Variants in KCNT2 observed in about 807,000 individuals in gnomAD.
KCNT2 encodes the protein potassium sodium-activated channel subfamily T member 2.
In KCNT2, 67 loss-of-function variants were observed where a neutral mutation model predicts 153.8. The observed-to-expected ratio is 0.44, with a 90% CI of 0.36 to 0.53. The LOEUF (loss-of-function observed/expected upper bound fraction) is 0.53. KCNT2 is among the 20% of genes least tolerant of loss of function. The probability of loss-of-function intolerance (pLI) is 0.00; values close to 1 mark genes in which losing one functional copy is unlikely to be tolerated. For missense variants in KCNT2, 975 were observed against 1,354.8 expected (o/e 0.72, Z 4.40); for synonymous variants, 500 against 458.8 (o/e 1.09, Z -1.15).
intron 13 of KCNT2, among the ~76,000 whole-genome samples, chr1:196,381,521 T>A (rs963660479): frequency 4.6e-5 from 7 of 152,106 alleles, no homozygotes; most frequent in Admixed American, 2.0e-4. Context: ...TGTTAAGTAG[T>A]TTTCAGATAA....
chr1:196,379,934 T>C (rs1311092482), intron 13 of KCNT2, among the ~76,000 whole-genome samples: 1 of 152,226 alleles, frequency 6.6e-6, no homozygotes, highest in Non-Finnish European at 1.5e-5. Flanking sequence ...ACAAGTATTA[T>C]GGATCATCAC....
intron 27 of KCNT2, among the ~76,000 whole-genome samples, chr1:196,233,627 T>G (rs1001080286): frequency 2.0e-5 from 3 of 151,426 alleles, no homozygotes; most frequent in Non-Finnish European, 3.0e-5. Flanking sequence ...CATTTCCTCT[T>G]TATACTTTAA....
intron 1 of KCNT2, among the ~76,000 whole-genome samples, chr1:196,537,157 A>G (rs560824394): frequency 1.3e-5 from 2 of 152,296 alleles, no homozygotes; most frequent in East Asian, 1.9e-4. Flanking sequence ...TCTCAGCCTC[A>G]TCATCTTAAT....
At chr1:196,349,603 A>G (rs796466876) in intron 14 of KCNT2, among the ~76,000 whole-genome samples, 115 of 152,250 alleles carry the variant, frequency 7.6e-4, no homozygotes, top group African/African-American at 2.7e-3. Flanking sequence ...TACACCCTAT[A>G]GACTCTAGCT....
At chr1:196,596,154 T>C (rs1664063211) in intron 1 of KCNT2, among the ~76,000 whole-genome samples, 1 of 150,510 alleles carries the variant, frequency 6.6e-6, no homozygotes, top group South Asian at 2.1e-4. Flanking sequence ...CAGTTCCATA[T>C]ATTTGCAATT....
At chr1:196,573,250 G>T (rs1660979832) in intron 1 of KCNT2, among the ~76,000 whole-genome samples, 2 of 152,058 alleles carry the variant, frequency 1.3e-5, no homozygotes, top group African/African-American at 4.8e-5. Context: ...AATTGTGAGA[G>T]ACACGTTTAA....
rs181358209 is a variant in KCNT2, at chr1:196,225,839, A to C, written c.*2385T>G. ...AAAGCAGTTCAATGTAACTGGTAGC[A>C]AAATGGTACAGACAATAAACAGAAT... On this transcript the variant is annotated 3_prime_UTR_variant, in exon 28 of 28. Transcript: ENST00000294725. 6.6e-6 allele frequency: 1 copy of C among 152,184 alleles called. No homozygotes were observed. Among genetic ancestry groups the C allele is most frequent in the Non-Finnish European group, 1.5e-5 (1 of 68,002 alleles). 9.4% of individuals were successfully genotyped at this position (152,184 alleles called of 1,614,324 possible). A position where few individuals can be genotyped will look rare whatever the true frequency, so the allele number is the denominator to read the frequency against.
At chr1:196,366,461 T>G (rs1264363235) in intron 14 of KCNT2, among the ~76,000 whole-genome samples, 1 of 152,100 alleles carries the variant, frequency 6.6e-6, no homozygotes, top group East Asian at 1.9e-4. Context: ...ACCCGGCTTT[T>G]GCTTGTCTTC....
At chr1:196,356,969 AC>A (rs1667225827) in intron 14 of KCNT2, among the ~76,000 whole-genome samples, 1 of 151,920 alleles carries the variant, frequency 6.6e-6, no homozygotes, top group Non-Finnish European at 1.5e-5. Context: ...TTTACTAGGT[AC>A]TTTTTAACTT....
At chr1:196,264,294 A>G (rs958632336) in intron 25 of KCNT2, among the ~76,000 whole-genome samples, 3 of 152,128 alleles carry the variant, frequency 2.0e-5, no homozygotes, top group African/African-American at 7.2e-5. Flanking sequence ...GGACTTTTTC[A>G]TTGTTTTTAA....
At chr1:196,413,057 A>G (rs912475835) in intron 12 of KCNT2, among the ~76,000 whole-genome samples, 1 of 151,702 alleles carries the variant, frequency 6.6e-6, no homozygotes, top group Non-Finnish European at 1.5e-5. Flanking sequence ...TTAAGGGATA[A>G]ACTAGGATGG....
chr1:196,431,793 T>C (rs998544439), intron 8 of KCNT2, among the ~76,000 whole-genome samples: 1 of 151,974 alleles, frequency 6.6e-6, no homozygotes, highest in African/African-American at 2.4e-5. Flanking sequence ...ACCTAAAAAT[T>C]TGGAAAATAC....
intron 13 of KCNT2, among the ~76,000 whole-genome samples, chr1:196,395,086 T>A (rs1303860606): frequency 1.3e-5 from 2 of 151,350 alleles, no homozygotes; most frequent in African/African-American, 4.8e-5. Context: ...TCTTTTAACA[T>A]AATGATCTAT....
intron 1 of KCNT2, among the ~76,000 whole-genome samples, chr1:196,598,246 T>C (rs765109541): frequency 1.2e-3 from 181 of 152,298 alleles, no homozygotes; most frequent in Admixed American, 5.6e-3. Context: ...CTTTTTCATA[T>C]TATCCATTGT....
intron 1 of KCNT2, among the ~76,000 whole-genome samples, chr1:196,604,702 T>C (rs1265344626): frequency 3.3e-5 from 5 of 151,568 alleles, no homozygotes; most frequent in African/African-American, 1.2e-4. Flanking sequence ...ACATATCTAT[T>C]CATTACATAT....
intron 13 of KCNT2, among the ~76,000 whole-genome samples, chr1:196,380,208 G>A (rs558807766): frequency 2.0e-5 from 3 of 152,132 alleles, no homozygotes; most frequent in Non-Finnish European, 2.9e-5. Flanking sequence ...CTCAACAGGT[G>A]GGAAAGAGTT....
intron 1 of KCNT2, among the ~76,000 whole-genome samples, chr1:196,518,289 A>C (rs1652873867): frequency 6.6e-6 from 1 of 152,156 alleles, no homozygotes; most frequent in Admixed American, 6.6e-5. Flanking sequence ...AGCCAAAACC[A>C]TTACCAGCTA....
intron 12 of KCNT2, among the ~76,000 whole-genome samples, chr1:196,401,178 T>C (rs1000735854): frequency 2.6e-5 from 4 of 151,758 alleles, no homozygotes; most frequent in African/African-American, 4.8e-5. Flanking sequence ...GGTGATGGAG[T>C]TTGCTTTATT....
At chr1:196,287,581 A>G (rs547040958) in intron 22 of KCNT2, among the ~76,000 whole-genome samples, 2 of 152,238 alleles carry the variant, frequency 1.3e-5, no homozygotes, top group South Asian at 2.1e-4. Flanking sequence ...AACTCTTCCC[A>G]TCTCCACACA....
Sources: allele counts gnomAD v4.1 joint callset (sites outside exome capture counted in the v4.1 genomes callset), GRCh38; gene constraint gnomAD v4.1.1; transcripts MANE v1.5; gene names NCBI Gene and HGNC (gene_info 2026-07-23, HGNC 2026-07-21).